JAM3: variants seen among roughly 807,000 people sequenced by gnomAD.
JAM3 encodes the protein junctional adhesion molecule C.
A neutral mutation model predicts 39.4 loss-of-function variants in JAM3; 31 were observed. The observed-to-expected ratio is 0.79, with a 90% CI of 0.59 to 1.06. The LOEUF is 1.06. Ranked by LOEUF, JAM3 falls within the 50% of genes least tolerant of loss-of-function variation. The pLI, the probability that JAM3 is intolerant of heterozygous loss-of-function variation, is 0.00. For missense variants in JAM3, 455 were observed against 391.4 expected (o/e 1.16, Z -1.37); for synonymous variants, 182 against 148.7 (o/e 1.22, Z -1.63).
chr11:134,093,341 G>A (rs1310440312), intron 1 of JAM3, among the ~76,000 whole-genome samples: 5 of 126,788 alleles, frequency 3.9e-5, no homozygotes, highest in Non-Finnish European at 8.1e-5. Flanking sequence ...CACTCCCTGA[G>A]GGAAGCTTCT....
chr11:134,146,223 C>A (rs1018838584), intron 6 of JAM3, among the ~76,000 whole-genome samples, 178 bp downstream of exon 6: 23 of 152,158 alleles, frequency 1.5e-4, no homozygotes, highest in Admixed American at 1.5e-3. Flanking sequence ...AAAACCGAGT[C>A]CAGATAAGCA....
chr11:134,129,436 G>C (rs955252096), intron 1 of JAM3, among the ~76,000 whole-genome samples: 3 of 151,914 alleles, frequency 2.0e-5, no homozygotes, highest in African/African-American at 7.3e-5. Context: ...TTCTTATAAG[G>C]ACACTAGTCA....
rs1943197242 is a variant in JAM3 at position 134,150,720 on chromosome 11, TACA to T, written c.*1541_*1543del. 6.6e-6 allele frequency: 1 copy of T among 151,916 alleles called. No homozygotes were observed. Among genetic ancestry groups the T allele is most frequent in the Non-Finnish European group, 1.5e-5 (1 of 67,960 alleles). The allele number at this position is 151,916 out of a possible 1,614,324, so 9.4% of individuals were successfully genotyped here. On this transcript the variant is annotated 3_prime_UTR_variant, in exon 9 of 9. Coordinates refer to ENST00000299106, the MANE Select transcript of JAM3 (RefSeq NM_032801.5). ...CAATTGCGAAATCAAGTCTGTCAAG[TACA>T]ATAACATTTTTAAAAGAAAATGGAT... is the stretch of plus-strand genomic sequence containing the variant.
rs1481072322 is a variant in JAM3 at position 134,148,421 on chromosome 11, G to C, written c.713-126G>C. The C allele has an allele frequency of 3.7e-6, 4 of 1,086,090 alleles. No individual in the cohort carries two copies. The South Asian group carries it at 3.8e-5, about 10-fold the overall frequency. 67.3% of individuals were successfully genotyped at this position (1,086,090 alleles called of 1,614,324 possible). On this transcript the variant is annotated intron_variant, in intron 6 of 8. Transcript: ENST00000299106. ...TTGTAAGTGTTCTCTCTTCTAGCTG[G>C]GGTAGGCCTGAGGGGGCAGGGGGCA...
chr11:134,105,502 G>A (rs1942166988), intron 1 of JAM3, among the ~76,000 whole-genome samples: 1 of 152,028 alleles, frequency 6.6e-6, no homozygotes, highest in Non-Finnish European at 1.5e-5. Context: ...TTCTGGCCAG[G>A]GCAATCAGGC....
At chr11:134,142,091 C>T (rs1486849015) in intron 3 of JAM3, among the ~76,000 whole-genome samples, 1 of 152,116 alleles carries the variant, frequency 6.6e-6, no homozygotes, top group African/African-American at 2.4e-5. Context: ...CAGGCTGACC[C>T]TGCTAAACCC....
At chr11:134,138,895 G>A (rs1942923001) in intron 1 of JAM3, among the ~76,000 whole-genome samples, 1 of 152,178 alleles carries the variant, frequency 6.6e-6, no homozygotes, top group Admixed American at 6.5e-5. Context: ...GAAAAGAATG[G>A]GCTGTGTGAG....
chr11:134,140,213 G>A (rs1346435419), intron 2 of JAM3, among the ~76,000 whole-genome samples: 1 of 152,122 alleles, frequency 6.6e-6, no homozygotes, highest in African/African-American at 2.4e-5. Context: ...GAGTGTAGTG[G>A]CGCAATCTTG....
At chr11:134,090,293 G>C (rs1259512140) in intron 1 of JAM3, among the ~76,000 whole-genome samples, 2 of 152,242 alleles carry the variant, frequency 1.3e-5, no homozygotes, top group African/African-American at 4.8e-5. Context: ...TTGCTGTGCA[G>C]AAGCTCTTTA....
chr11:134,145,811 G>A (rs1943060424), intron 5 of JAM3, 135 bp from the exon 6 acceptor site: 4 of 729,504 alleles, frequency 5.5e-6, no homozygotes, highest in Admixed American at 3.8e-5. Context: ...GTGGGTCAGG[G>A]AGGAACATGC....
chr11:134,088,952 G>A (rs529066038), intron 1 of JAM3, among the ~76,000 whole-genome samples: 72 of 152,176 alleles, frequency 4.7e-4, no homozygotes, highest in Non-Finnish European at 8.8e-4. Context: ...ACCACGTTGG[G>A]CAACATTTAT....
Position 134,139,917 on chromosome 11 carries a change from G to GTAAGTACAAA in JAM3, c.142+2_142+11dup, listed in dbSNP as rs1565503574. On this transcript the variant is annotated splice_donor_variant, in intron 2 of 8. Transcript: ENST00000299106. LOFTEE classifies it high-confidence loss of function. Reference sequence around the variant, plus strand: ...ACCCCAGTGGTACAGGAATTTGAAAGTAAGTACAAACGAAATGCCTAGGAT... The same window carrying GTAAGTACAAA: ...ACCCCAGTGGTACAGGAATTTGAAAGTAAGTACAAATAAGTACAAACGAAATGCCTAGGAT... 6.2e-7 allele frequency: 1 copy of GTAAGTACAAA among 1,611,902 alleles called. No homozygotes were observed. The highest frequency in any genetic ancestry group is 2.2e-5 in the East Asian group (1 of 44,858).
At chr11:134,101,722 T>C (rs1476482840) in intron 1 of JAM3, among the ~76,000 whole-genome samples, 1 of 152,216 alleles carries the variant, frequency 6.6e-6, no homozygotes, top group African/African-American at 2.4e-5. Context: ...ATTTATTCTT[T>C]TTCCTCCAGT....
rs527282868 is a variant in JAM3 at position 134,090,317 on chromosome 11, C to T, written c.76+21158C>T. 1.4e-4 allele frequency among the ~76,000 whole-genome samples: 22 copies of T among 152,180 alleles called. No homozygotes were observed. The East Asian group carries it at 4.2e-3, about 29-fold the overall frequency. On this transcript the variant is annotated intron_variant, in intron 1 of 8. Transcript: ENST00000299106. ...AGAAGCTCTTTAGTTTAATTAGATCCCATTTGTCAATTTTAGCTTTTGTTG... is the reference window on the plus strand; with the variant it reads ...AGAAGCTCTTTAGTTTAATTAGATCTCATTTGTCAATTTTAGCTTTTGTTG...
chr11:134,144,421 T>C, intron 4 of JAM3, 28 bp downstream of exon 4: 1 of 1,613,252 alleles, frequency 6.2e-7, no homozygotes. Flanking sequence ...GGTGAGACAT[T>C]GCCACCATAG....
chr11:134,123,083 T>A (rs1427517456), intron 1 of JAM3, among the ~76,000 whole-genome samples: 1 of 152,246 alleles, frequency 6.6e-6, no homozygotes. Context: ...CAAAAGGCTC[T>A]TGGCTACTTT....
At chr11:134,102,561 TCTC>T (rs1942095975) in intron 1 of JAM3, among the ~76,000 whole-genome samples, 3 of 151,974 alleles carry the variant, frequency 2.0e-5, no homozygotes, top group Non-Finnish European at 4.4e-5. Flanking sequence ...GAATCAGACT[TCTC>T]CGAGCTAAAG....
chr11:134,143,299 C>A (rs1943008503), intron 3 of JAM3, among the ~76,000 whole-genome samples: 2 of 152,170 alleles, frequency 1.3e-5, no homozygotes, highest in Admixed American at 1.3e-4. Flanking sequence ...GAAGCGGCGT[C>A]TTGTGGATTT....
intron 1 of JAM3, among the ~76,000 whole-genome samples, chr11:134,090,910 A>G (rs1941835997): frequency 1.3e-5 from 2 of 152,242 alleles, no homozygotes; most frequent in South Asian, 4.1e-4. Flanking sequence ...TTGAGTTTGC[A>G]AATGAAGACA....
Sources: gnomAD v4.1 joint callset for allele counts (sites outside exome capture counted in the v4.1 genomes callset) on GRCh38, gnomAD v4.1.1 for gene constraint, MANE v1.5 for transcripts, NCBI Gene and HGNC (gene_info 2026-07-23, HGNC 2026-07-21) for gene names.